SMARCC1: variants seen among roughly 807,000 people sequenced by gnomAD.
SMARCC1 encodes SWI/SNF related BAF chromatin remodeling complex subunit C1.
Under a neutral mutation model 147.4 loss-of-function variants are expected in SMARCC1, and 43 were observed. The ratio of observed to expected loss-of-function variants is 0.29; its 90% CI spans 0.23 to 0.38. The LOEUF is 0.38. Ranked by LOEUF, SMARCC1 falls within the 10% of genes least tolerant of loss-of-function variation. The pLI, the probability that SMARCC1 is intolerant of heterozygous loss-of-function variation, is 1.00. For synonymous variants in SMARCC1, 495 were observed against 484.4 expected (o/e 1.02, Z -0.29); for missense variants, 1,119 against 1,381.1 (o/e 0.81, Z 3.01).
At chr3:47,780,995 T>C (rs2035039888) in intron 1 of SMARCC1, among the ~76,000 whole-genome samples, 1 of 152,182 alleles carries the variant, frequency 6.6e-6, no homozygotes, top group African/African-American at 2.4e-5. Context: ...AAAAGTGCTC[T>C]AATAAAAACT....
intron 21 of SMARCC1, among the ~76,000 whole-genome samples, chr3:47,644,719 G>A (rs2033095680): frequency 2.0e-5 from 3 of 152,046 alleles, no homozygotes; most frequent in Admixed American, 2.0e-4. Flanking sequence ...GGTTGGCCAG[G>A]CTGGTCTCGA....
At chr3:47,607,974 CA>C (rs1019394934) in intron 26 of SMARCC1, among the ~76,000 whole-genome samples, 5 of 152,080 alleles carry the variant, frequency 3.3e-5, no homozygotes, top group South Asian at 2.1e-4. Flanking sequence ...AAAATATACA[CA>C]AAAAAACCCT....
chr3:47,701,285 G>C lies in SMARCC1; in HGVS notation c.1158C>G (p.Pro386=). The C allele has an allele frequency of 6.2e-7, 1 of 1,611,052 alleles. No individual in the cohort carries two copies. The highest frequency in any genetic ancestry group is 1.3e-5 in the African/African-American group (1 of 74,814). The change falls in exon 11 of 28, where the codon CCC becomes CCG. Residue 386 remains proline (P), a synonymous_variant. Coordinates refer to ENST00000254480, the MANE Select transcript of SMARCC1 (RefSeq NM_003074.4). ...ATGCAGAAGAATACAAACCATTTTTGGGAAGTACTACTTCTTCTATATTGG... is the reference window on the plus strand; with the variant it reads ...ATGCAGAAGAATACAAACCATTTTTCGGAAGTACTACTTCTTCTATATTGG... The part of the protein sequence containing the change: ...PVPNIEEVVL[P]KNVNLKKDSE...
intron 21 of SMARCC1, among the ~76,000 whole-genome samples, chr3:47,649,583 T>G (rs2033160835): frequency 6.6e-6 from 1 of 152,204 alleles, no homozygotes; most frequent in South Asian, 2.1e-4. Context: ...CTCATTGATA[T>G]ATTTTTAAAA....
chr3:47,592,289 C>T (rs935044095), intron 26 of SMARCC1, among the ~76,000 whole-genome samples: 1 of 152,204 alleles, frequency 6.6e-6, no homozygotes, highest in African/African-American at 2.4e-5. Context: ...CTATTCAACT[C>T]TGCAAAGTAA....
At chr3:47,764,915 T>C (rs77127291) in intron 2 of SMARCC1, among the ~76,000 whole-genome samples, 1,914 of 152,280 alleles carry the variant, frequency 0.013, 44 homozygotes, top group African/African-American at 0.043. Flanking sequence ...AACATAATAC[T>C]ATATTATTCA....
Position 47,619,642 on chromosome 3 carries a change from G to C in SMARCC1, c.2781+2565C>G, listed in dbSNP as rs369158711. On this transcript the variant is annotated intron_variant, in intron 25 of 27. Transcript: ENST00000254480. ...CAGAGGGTGACAGAGATGAAACCCA[G>C]GTCTCATGAGCTCCCGGGGCAGGAG... 9.0e-4 allele frequency among the ~76,000 whole-genome samples: 137 copies of C among 152,362 alleles called. 1 individual carries two copies. The highest frequency in any genetic ancestry group is 2.5e-3 in the African/African-American group (106 of 41,588).
intron 24 of SMARCC1, among the ~76,000 whole-genome samples, chr3:47,634,982 T>C (rs2032949450): frequency 2.0e-5 from 3 of 152,218 alleles, no homozygotes; most frequent in Non-Finnish European, 4.4e-5. Flanking sequence ...GTATAATGAA[T>C]GGAATGAAAA....
At chr3:47,750,245 G>A (rs1252052381) in intron 2 of SMARCC1, among the ~76,000 whole-genome samples, 1 of 152,158 alleles carries the variant, frequency 6.6e-6, no homozygotes, top group African/African-American at 2.4e-5. Flanking sequence ...GACCATCCTG[G>A]CCAACATGGT....
At chr3:47,616,527 C>A (rs1364164320) in intron 25 of SMARCC1, among the ~76,000 whole-genome samples, 1 of 152,020 alleles carries the variant, frequency 6.6e-6, no homozygotes, top group African/African-American at 2.4e-5. Flanking sequence ...CACGCTGCAA[C>A]CTCTGCCTAC....
chr3:47,745,943 A>G lies in SMARCC1; in HGVS notation c.366T>C (p.Leu122=), dbSNP rs1165730197. The G allele has an allele frequency of 2.5e-6, 4 of 1,590,752 alleles. No individual in the cohort carries two copies. The highest frequency in any genetic ancestry group is 3.4e-6 in the Non-Finnish European group (4 of 1,172,804). ...FKAGGALCHI[L]GAAYKYKNEQ... ...CATTTTTATACTTGTAAGCAGCCCC[A>G]AGAATGTGACATAAGGCGCCTCCAG... Residue 122 remains leucine, a synonymous_variant, in exon 3 of 28, where the codon CTT becomes CTC. Coordinates refer to ENST00000254480, the MANE Select transcript of SMARCC1 (RefSeq NM_003074.4).
In SMARCC1 at chr3:47,729,006, C is replaced by A; in HGVS notation, c.646+19G>T. 6.3e-7 allele frequency: 1 copy of A among 1,578,184 alleles called. No homozygotes were observed. The highest frequency in any genetic ancestry group is 8.7e-7 in the Non-Finnish European group (1 of 1,149,382). On this transcript the variant is annotated intron_variant, in intron 6 of 27. Transcript: ENST00000254480. ...TATGATGTATGAGCTCATCTGTTCACAACGCAAAACTAACTTACCATCGTC... is the reference window on the plus strand; with the variant it reads ...TATGATGTATGAGCTCATCTGTTCAAAACGCAAAACTAACTTACCATCGTC...
intron 8 of SMARCC1, among the ~76,000 whole-genome samples, chr3:47,713,297 G>A (rs539300333): frequency 1.3e-5 from 2 of 150,850 alleles, no homozygotes; most frequent in Admixed American, 6.7e-5. Flanking sequence ...CAGCCTGGGC[G>A]ACAGAGCCAG....
chr3:47,719,470 G>A (rs1418396390), intron 7 of SMARCC1, among the ~76,000 whole-genome samples: 1 of 151,996 alleles, frequency 6.6e-6, no homozygotes, highest in Non-Finnish European at 1.5e-5. Flanking sequence ...AGAAGCCAAG[G>A]TGGGTGGATC....
chr3:47,646,366 T>A (rs543463725), intron 21 of SMARCC1, among the ~76,000 whole-genome samples: 1 of 152,354 alleles, frequency 6.6e-6, no homozygotes, highest in African/African-American at 2.4e-5. Context: ...CATTTTGTTA[T>A]TGTTGATAAA....
chr3:47,726,861 T>C (rs11714889), intron 6 of SMARCC1, among the ~76,000 whole-genome samples: 4 of 152,200 alleles, frequency 2.6e-5, no homozygotes, highest in African/African-American at 4.8e-5. Context: ...ATGGTATTTC[T>C]CCATGTTATT....
intron 26 of SMARCC1, among the ~76,000 whole-genome samples, chr3:47,605,461 T>C (rs1014297364): frequency 6.6e-6 from 1 of 152,162 alleles, no homozygotes; most frequent in African/African-American, 2.4e-5. Context: ...ATCTCAGATA[T>C]ACAGTGTTGA....
intron 21 of SMARCC1, among the ~76,000 whole-genome samples, chr3:47,646,561 T>C (rs986272801): frequency 2.6e-5 from 4 of 152,244 alleles, no homozygotes; most frequent in African/African-American, 4.8e-5. Flanking sequence ...AATTATTTCC[T>C]AACAGGCTGA....
Position 47,635,271 on chromosome 3 carries a change from C to G in SMARCC1, c.2565G>C (p.Lys855Asn). ...CKERESDTGK[K>N]KVEHEISEGN... is the part of the protein sequence containing the mutation. ...CTTCGGAAATTTCATGTTCTACTTT[C>G]TTCTTCCCAGTATCACTTTCTCTTT... Residue 855 changes from lysine (K) to asparagine (N), a missense_variant, in exon 24 of 28, where the codon AAG (lysine) becomes AAC (asparagine). Coordinates refer to ENST00000254480, the MANE Select transcript of SMARCC1 (RefSeq NM_003074.4). 1 of 1,613,376 alleles carries G rather than the reference C, an allele frequency of 6.2e-7. No homozygotes were observed. The highest frequency in any genetic ancestry group is 2.2e-5 in the East Asian group (1 of 44,880).
Sources: gnomAD v4.1 joint callset for allele counts (sites outside exome capture counted in the v4.1 genomes callset) on GRCh38, gnomAD v4.1.1 for gene constraint, MANE v1.5 for transcripts, NCBI Gene and HGNC (gene_info 2026-07-23, HGNC 2026-07-21) for gene names.